UNC80: variants seen among roughly 807,000 people sequenced by gnomAD.
UNC80 encodes unc-80 subunit of NALCN channel complex.
UNC80 carries 164 observed loss-of-function variants against 384.6 expected under a neutral mutation model. The observed-to-expected ratio is 0.43, with a 90% CI of 0.38 to 0.49. The LOEUF (loss-of-function observed/expected upper bound fraction) is 0.49. Among genes scored for constraint, UNC80 ranks in the 20% least tolerant of loss-of-function variants. The pLI is 0.00. For synonymous variants in UNC80, 1,486 were observed against 1,527.8 expected (o/e 0.97, Z 0.64); for missense variants, 3,330 against 4,143.0 (o/e 0.80, Z 5.39).
intron 7 of UNC80, among the ~76,000 whole-genome samples, chr2:209,799,265 G>A (rs2078381306): frequency 6.6e-6 from 1 of 151,914 alleles, no homozygotes; most frequent in African/African-American, 2.4e-5. Flanking sequence ...GTGGTTTGTA[G>A]TTCTCCTTGA....
chr2:209,835,929 T>C (rs10932311), intron 18 of UNC80, among the ~76,000 whole-genome samples: 1 of 152,290 alleles, frequency 6.6e-6, no homozygotes, highest in East Asian at 1.9e-4. Context: ...CTTAGAAATT[T>C]TGTAGTAAAC....
At chr2:209,936,525 T>C (rs1307719472) in intron 40 of UNC80, among the ~76,000 whole-genome samples, 5 of 152,178 alleles carry the variant, frequency 3.3e-5, no homozygotes, top group African/African-American at 1.2e-4. Flanking sequence ...TGTACATCTT[T>C]GGGCACTATG....
At chr2:209,855,068 G>A (rs925845789) in intron 22 of UNC80, among the ~76,000 whole-genome samples, 45 of 152,230 alleles carry the variant, frequency 3.0e-4, no homozygotes, top group Middle Eastern at 3.4e-3. Flanking sequence ...ATAATAGACC[G>A]GATAAAGAAA....
intron 5 of UNC80, among the ~76,000 whole-genome samples, chr2:209,786,609 A>C (rs1222157396): frequency 6.6e-6 from 1 of 152,138 alleles, no homozygotes; most frequent in Non-Finnish European, 1.5e-5. Context: ...AAATCATCTT[A>C]GTGTTGTATT....
chr2:209,897,244 C>A (rs556672787), intron 28 of UNC80, among the ~76,000 whole-genome samples: 1 of 152,210 alleles, frequency 6.6e-6, no homozygotes, highest in South Asian at 2.1e-4. Context: ...CAGCTCAATA[C>A]ATTTTTATGA....
Position 209,819,202 on chromosome 2 carries a change from A to C in UNC80, c.1903A>C (p.Thr635Pro). The change falls in exon 12 of 65, where the codon ACA becomes CCA. Residue 635 changes from threonine to proline, a missense_variant. By Grantham distance (38) the Thr-to-Pro change is conservative. Around this residue, in one of 8 missense-constraint regions of UNC80, gnomAD observed 937 missense variants for 1,026.8 expected, o/e 0.91. Coordinates refer to ENST00000673920, the MANE Select transcript of UNC80 (RefSeq NM_001371986.1). The stretch of plus-strand genomic sequence containing the variant: ...CATAAACTACAGCTACCTAGAGGAC[A>C]CAGAACATATTGACGGGACCAATAA... ...SCINYSYLED[T>P]EHIDGTNNFV... 6.4e-7 allele frequency: 1 copy of C among 1,552,010 alleles called. No homozygotes were observed. The highest frequency in any genetic ancestry group is 8.7e-7 in the Non-Finnish European group (1 of 1,147,056).
At chr2:209,973,351 T>G (rs2092931444) in intron 56 of UNC80, 81 bp downstream of exon 56, 1 of 1,212,536 alleles carries the variant, frequency 8.2e-7, no homozygotes, top group South Asian at 1.6e-5. Context: ...GATAGATAGA[T>G]AAATAAATAA....
chr2:209,794,425 G>C (rs913555045), intron 7 of UNC80, among the ~76,000 whole-genome samples: 3 of 152,142 alleles, frequency 2.0e-5, no homozygotes, highest in Non-Finnish European at 4.4e-5. Context: ...TATGGGGCAA[G>C]AGCTCCTGAG....
Position 209,915,104 on chromosome 2 carries a change from C to T in UNC80, c.5029+1164C>T, listed in dbSNP as rs373081660. On this transcript the variant is annotated intron_variant, in intron 31 of 64. Coordinates refer to ENST00000673920, the MANE Select transcript of UNC80 (RefSeq NM_001371986.1). ...TCCATGGAAAATATAAACAGGTGGA[C>T]GGGGCTTTAAAGAACACCTAGAAGT... Among the ~76,000 whole-genome samples the T allele has an allele frequency of 1.1e-3, 167 of 151,542 alleles. 5 individuals carry two copies. In the East Asian group the frequency reaches 0.029, roughly 26 times the overall value.
At chr2:209,980,993 A>G (rs921520196) in intron 59 of UNC80, among the ~76,000 whole-genome samples, 1 of 152,248 alleles carries the variant, frequency 6.6e-6, no homozygotes, top group African/African-American at 2.4e-5. Flanking sequence ...ATATCATTCT[A>G]TAACAAGAAT....
intron 4 of UNC80, 109 bp downstream of exon 4, chr2:209,777,668 C>G (rs2076941955): frequency 1.7e-6 from 2 of 1,185,172 alleles, no homozygotes; most frequent in African/African-American, 1.5e-5. Context: ...GACCTTACAG[C>G]AAGTCAAGGC....
rs1177885519 is a variant in UNC80 at position 209,945,196 on chromosome 2, GCAAAAC to G, written c.7189+8_7189+13del. 6.5e-7 allele frequency: 1 copy of G among 1,545,082 alleles called. No individual in the cohort carries two copies. The highest frequency in any genetic ancestry group is 1.4e-5 in the African/African-American group (1 of 72,628). ...AAGCCTCTCAAGTCATTAGGTAAAAGCAAAACTTGCTTTGACATTCTTTTTCTCACT... is the reference window on the plus strand; with the variant it reads ...AAGCCTCTCAAGTCATTAGGTAAAAGTTGCTTTGACATTCTTTTTCTCACT... On this transcript the variant is annotated splice_region_variant and intron_variant, in intron 46 of 64. Transcript: ENST00000673920.
chr2:209,882,152 G>C (rs956353042), intron 25 of UNC80, among the ~76,000 whole-genome samples: 2 of 151,890 alleles, frequency 1.3e-5, no homozygotes, highest in African/African-American at 2.4e-5. Context: ...ATTTTCAGTA[G>C]AGACGGGGTT....
At chr2:209,830,288 C>T (rs1162074570) in intron 15 of UNC80, among the ~76,000 whole-genome samples, 1 of 152,158 alleles carries the variant, frequency 6.6e-6, no homozygotes, top group Non-Finnish European at 1.5e-5. Flanking sequence ...CTCTATAGAA[C>T]CCCTCAAACA....
chr2:209,968,930 AT>A (rs1415368601), intron 52 of UNC80: 1 of 152,224 alleles, frequency 6.6e-6, no homozygotes, highest in Non-Finnish European at 1.5e-5. Flanking sequence ...AACACAAGAA[AT>A]GTTGACTGAA....
intron 7 of UNC80, chr2:209,808,947 A>C: frequency 3.2e-6 from 1 of 314,188 alleles, no homozygotes; most frequent in Non-Finnish European, 6.2e-6. Flanking sequence ...CTTTGCTGCC[A>C]ACACTCATCT....
At chr2:209,974,549 C>T (rs1020429755) in intron 56 of UNC80, among the ~76,000 whole-genome samples, 23 of 152,174 alleles carry the variant, frequency 1.5e-4, no homozygotes, top group African/African-American at 5.6e-4. Flanking sequence ...GGCTACTGAA[C>T]CTGTATTTTA....
Position 209,830,085 on chromosome 2 carries a change from G to T in UNC80, c.2626+706G>T, listed in dbSNP as rs1252993836. ...GAAAATAATGCATGAAGCCTGAGTT[G>T]AATAAAATACACATTTTAATTAGAG... On this transcript the variant is annotated intron_variant, in intron 15 of 64. Coordinates refer to ENST00000673920, the MANE Select transcript of UNC80 (RefSeq NM_001371986.1). Among the ~76,000 whole-genome samples, 7 of 152,284 alleles carry T rather than the reference G, an allele frequency of 4.6e-5. No homozygotes were observed. In the South Asian group the frequency reaches 1.5e-3, roughly 32 times the overall value.
chr2:209,930,529 T>G (rs1243471796), intron 37 of UNC80, among the ~76,000 whole-genome samples: 1 of 152,170 alleles, frequency 6.6e-6, no homozygotes, highest in Non-Finnish European at 1.5e-5. Flanking sequence ...TAACCTCTCT[T>G]TTTCTCTTTG....
Sources: allele counts gnomAD v4.1 joint callset (sites outside exome capture counted in the v4.1 genomes callset), GRCh38; gene constraint gnomAD v4.1.1; regional missense constraint gnomAD v4.1.1; transcripts MANE v1.5; gene names NCBI Gene and HGNC (gene_info 2026-07-23, HGNC 2026-07-21).